The following SKAP2 variants were observed in gnomAD, a reference collection of about 807,000 sequenced individuals.
SKAP2 encodes src kinase-associated phosphoprotein 2.
Under a neutral mutation model 54.9 loss-of-function variants are expected in SKAP2, and 28 were observed. The ratio of observed to expected loss-of-function variants is 0.51; its 90% confidence interval spans 0.38 to 0.70. The LOEUF is 0.70. Among genes scored for constraint, SKAP2 ranks in the 30% least tolerant of loss-of-function variants. The pLI is 0.00. For missense variants in SKAP2, 356 were observed against 424.1 expected (o/e 0.84, Z 1.41); for synonymous variants, 137 against 134.3 (o/e 1.02, Z -0.14).
chr7:26,691,006 T>A (rs1443680897), intron 9 of SKAP2, among the ~76,000 whole-genome samples: 5 of 152,194 alleles, frequency 3.3e-5, no homozygotes, highest in Non-Finnish European at 7.4e-5. Flanking sequence ...CTATTATGTG[T>A]CATATACAAT....
At chr7:26,725,262 T>G (rs1787675358) in intron 9 of SKAP2, among the ~76,000 whole-genome samples, 166 bp downstream of exon 9, 1 of 152,090 alleles carries the variant, frequency 6.6e-6, no homozygotes, top group Non-Finnish European at 1.5e-5. Context: ...AGCAGAACCC[T>G]TTTTGTAAAA....
chr7:26,790,235 T>C (rs1235816979), intron 4 of SKAP2, among the ~76,000 whole-genome samples: 1 of 152,202 alleles, frequency 6.6e-6, no homozygotes, highest in Non-Finnish European at 1.5e-5. Flanking sequence ...ATTACCTGTT[T>C]CAGACCCAAT....
intron 5 of SKAP2, among the ~76,000 whole-genome samples, chr7:26,739,457 G>A (rs1782381058): frequency 6.6e-6 from 1 of 152,176 alleles, no homozygotes; most frequent in Non-Finnish European, 1.5e-5. Flanking sequence ...CATAGCCAAT[G>A]GAGAGGAACA....
intron 4 of SKAP2, among the ~76,000 whole-genome samples, chr7:26,793,159 C>T (rs907524745): frequency 1.3e-5 from 2 of 152,324 alleles, no homozygotes; most frequent in Admixed American, 1.3e-4. Context: ...CCTAGTCTGA[C>T]AGACTTACTT....
intron 3 of SKAP2, among the ~76,000 whole-genome samples, chr7:26,853,745 CCCA>C (rs1415298178): frequency 4.6e-5 from 7 of 152,082 alleles, no homozygotes; most frequent in African/African-American, 1.7e-4. Flanking sequence ...AGGACCTTCT[CCCA>C]CCACCACTAT....
chr7:26,719,004 C>A (rs1032950742), intron 9 of SKAP2, among the ~76,000 whole-genome samples: 1 of 151,986 alleles, frequency 6.6e-6, no homozygotes, highest in Non-Finnish European at 1.5e-5. Context: ...CATAGTAAGA[C>A]TCCATTTCTA....
intron 4 of SKAP2, among the ~76,000 whole-genome samples, chr7:26,783,983 A>G (rs1783483363): frequency 6.6e-6 from 1 of 152,056 alleles, no homozygotes; most frequent in Middle Eastern, 3.2e-3. Context: ...GAAAAAAAAA[A>G]AAGAAATCTT....
intron 4 of SKAP2, among the ~76,000 whole-genome samples, chr7:26,783,503 C>T (rs1783469912): frequency 6.6e-6 from 1 of 152,172 alleles, no homozygotes; most frequent in African/African-American, 2.4e-5. Context: ...CACTCTCCCA[C>T]CCTTTCTTAT....
At chr7:26,771,928 C>A (rs1783198758) in intron 4 of SKAP2, among the ~76,000 whole-genome samples, 1 of 152,166 alleles carries the variant, frequency 6.6e-6, no homozygotes, top group Admixed American at 6.5e-5. Context: ...CACAAACTAT[C>A]TGAGGGCAGG....
Position 26,854,119 on chromosome 7 carries a change from C to A in SKAP2, c.199+18G>T. The A allele has an allele frequency of 6.4e-7, 1 of 1,561,702 alleles. No homozygotes were observed. Among genetic ancestry groups the A allele is most frequent in the South Asian group, 1.2e-5 (1 of 83,090 alleles). ...CAGAGGAAAAAAATTTTCAAGTTTGCCAAACATGAAAACTTACCTTTGTCT... is the reference window on the plus strand; with the variant it reads ...CAGAGGAAAAAAATTTTCAAGTTTGACAAACATGAAAACTTACCTTTGTCT... On this transcript the variant is annotated intron_variant, in intron 3 of 12. Coordinates refer to ENST00000345317, the MANE Select transcript of SKAP2 (RefSeq NM_003930.5).
At chr7:26,805,601 A>G (rs1440848175) in intron 4 of SKAP2, among the ~76,000 whole-genome samples, 1 of 152,188 alleles carries the variant, frequency 6.6e-6, no homozygotes, top group African/African-American at 2.4e-5. Context: ...CTCATGTGAA[A>G]AGGGACCAAG....
intron 6 of SKAP2, among the ~76,000 whole-genome samples, chr7:26,731,690 T>C (rs995876818): frequency 6.6e-6 from 1 of 152,164 alleles, no homozygotes; most frequent in African/African-American, 2.4e-5. Flanking sequence ...CTCCCAACAC[T>C]TGTGATGCCA....
At chr7:26,808,246 A>C (rs746156698) in intron 4 of SKAP2, among the ~76,000 whole-genome samples, 16 of 152,220 alleles carry the variant, frequency 1.1e-4, no homozygotes, top group Non-Finnish European at 1.6e-4. Flanking sequence ...TGAATGGATA[A>C]ATTTTGGTAT....
intron 9 of SKAP2, among the ~76,000 whole-genome samples, chr7:26,705,160 A>G (rs1787129979): frequency 6.6e-6 from 1 of 152,210 alleles, no homozygotes; most frequent in Non-Finnish European, 1.5e-5. Flanking sequence ...CAGTATGACG[A>G]AACTTTCTTG....
intron 4 of SKAP2, among the ~76,000 whole-genome samples, chr7:26,797,212 A>G (rs1217283419): frequency 6.6e-6 from 1 of 152,224 alleles, no homozygotes; most frequent in East Asian, 1.9e-4. Flanking sequence ...GAGCTAAAAT[A>G]GGCAGTAGCC....
intron 9 of SKAP2, among the ~76,000 whole-genome samples, chr7:26,701,770 T>TAAATAAAA (rs1787031929): frequency 6.6e-6 from 1 of 150,836 alleles, no homozygotes; most frequent in Non-Finnish European, 1.5e-5. Context: ...AATAAATAAA[T>TAAATAAAA]AAAACTTGCA....
chr7:26,785,354 T>C (rs2127979595), intron 4 of SKAP2, among the ~76,000 whole-genome samples: 1 of 152,102 alleles, frequency 6.6e-6, no homozygotes, highest in Non-Finnish European at 1.5e-5. Context: ...ACCGGGCTAA[T>C]TTTTTGTATT....
At chr7:26,761,094 C>T (rs1456440278) in intron 4 of SKAP2, among the ~76,000 whole-genome samples, 1 of 152,096 alleles carries the variant, frequency 6.6e-6, no homozygotes, top group African/African-American at 2.4e-5. Context: ...GAAAACGCAA[C>T]TGGTCTTTAA....
At chr7:26,729,828 A>C (rs1787785286) in intron 6 of SKAP2, among the ~76,000 whole-genome samples, 1 of 152,208 alleles carries the variant, frequency 6.6e-6, no homozygotes, top group South Asian at 2.1e-4. Flanking sequence ...CAAAGACATA[A>C]TATAGCAAAA....
Sources: allele counts gnomAD v4.1 joint callset (sites outside exome capture counted in the v4.1 genomes callset), GRCh38; gene constraint gnomAD v4.1.1; transcripts MANE v1.5; gene names NCBI Gene and HGNC (gene_info 2026-07-23, HGNC 2026-07-21).